Variants in DNAH11 observed in about 807,000 individuals in gnomAD.
The protein encoded by DNAH11 is axonemal beta dynein heavy chain 11.
In DNAH11, 442 loss-of-function variants were observed where a neutral mutation model predicts 526.0. The observed-to-expected ratio is 0.84, with a 90% CI of 0.78 to 0.91. DNAH11 has a LOEUF of 0.91. Ranked by LOEUF, DNAH11 falls within the 40% of genes least tolerant of loss-of-function variation. The pLI is 0.00. For synonymous variants in DNAH11, 2,461 were observed against 1,935.9 expected (o/e 1.27, Z -7.12); for missense variants, 6,989 against 5,448.7 (o/e 1.28, Z -8.90).
At chr7:21,578,064 G>A (rs1446934202) in intron 8 of DNAH11, among the ~76,000 whole-genome samples, 1 of 152,170 alleles carries the variant, frequency 6.6e-6, no homozygotes, top group East Asian at 1.9e-4. Context: ...AGATGAAGGG[G>A]AAGCAAGGAC....
intron 9 of DNAH11, among the ~76,000 whole-genome samples, chr7:21,587,800 ATAT>A (rs1304918616): frequency 2.0e-5 from 3 of 152,216 alleles, no homozygotes; most frequent in African/African-American, 7.2e-5. Flanking sequence ...ACAGGAAATA[ATAT>A]TAGCTGTGAA....
In DNAH11 at chr7:21,899,973, T is replaced by C; in HGVS notation, c.13163-7T>C. 6.2e-7 allele frequency: 1 copy of C among 1,613,484 alleles called. No individual in the cohort carries two copies. Among genetic ancestry groups the C allele is most frequent in the Non-Finnish European group, 8.5e-7 (1 of 1,179,708 alleles). On this transcript the variant is annotated splice_region_variant and splice_polypyrimidine_tract_variant and intron_variant, in intron 80 of 81. Transcript: ENST00000409508. ...TATCCTATTCAATTTTTGTTATATT[T>C]CCAAAGCAATCATGCAGACGATGGC... is the stretch of plus-strand genomic sequence containing the variant.
chr7:21,627,722 G>C (rs187705119), intron 25 of DNAH11, among the ~76,000 whole-genome samples: 1 of 152,052 alleles, frequency 6.6e-6, no homozygotes, highest in Non-Finnish European at 1.5e-5. Context: ...GATGCCTCTA[G>C]CTTTGTTCTT....
In DNAH11 at chr7:21,637,687, A is replaced by C. The variant is rs367625336; in HGVS notation, c.4802A>C (p.Lys1601Thr). ...AGACCTAATCTCTATGAAAAACTTA[A>C]AGATTTACAGTCCAGGTAAGAATAA... Reference protein sequence around the residue: ...TCRPNLYEKLKDLQSRLSLCE... With the variant: ...TCRPNLYEKLTDLQSRLSLCE... Residue 1601 changes from lysine (K) to threonine (T), a missense_variant, in exon 27 of 82, where the codon AAA (lysine) becomes ACA (threonine). By Grantham distance (78) the Lys-to-Thr change is moderately conservative. Coordinates refer to ENST00000409508, the MANE Select transcript of DNAH11 (RefSeq NM_001277115.2). The C allele has an allele frequency of 6.4e-7, 1 of 1,564,330 alleles. No homozygotes were observed. The highest frequency in any genetic ancestry group is 1.2e-5 in the South Asian group (1 of 83,182).
chr7:21,862,583 A>G (rs918353528), intron 69 of DNAH11, among the ~76,000 whole-genome samples: 7 of 152,226 alleles, frequency 4.6e-5, no homozygotes, highest in African/African-American at 7.2e-5. Context: ...TAATTTAACC[A>G]TTCTACAATA....
rs1262521540 is a variant in DNAH11 at position 21,622,441 on chromosome 7, A to C, written c.4500+2363A>C. Among the ~76,000 whole-genome samples, 6 of 152,282 alleles carry C rather than the reference A, an allele frequency of 3.9e-5. No individual in the cohort carries two copies. In the East Asian group the frequency reaches 5.8e-4, roughly 15 times the overall value. ...TGCCATCCCCATCAAGCTACCAATG[A>C]CTTTCTTCACAGAATTGGAAAAAAC... On this transcript the variant is annotated intron_variant, in intron 25 of 81. Transcript: ENST00000409508.
chr7:21,622,733 A>T (rs1786133449), intron 25 of DNAH11, among the ~76,000 whole-genome samples: 1 of 152,224 alleles, frequency 6.6e-6, no homozygotes, highest in Admixed American at 6.5e-5. Flanking sequence ...TTCCCCATTT[A>T]ATAAATGGTG....
chr7:21,588,143 A>G lies in DNAH11; in HGVS notation c.1790A>G (p.His597Arg), dbSNP rs1207221088. The G allele has an allele frequency of 3.7e-6, 6 of 1,613,318 alleles. No individual in the cohort carries two copies. The highest frequency in any genetic ancestry group is 2.7e-5 in the African/African-American group (2 of 74,930). The change falls in exon 10 of 82, where the codon CAT (histidine) becomes CGT (arginine). Residue 597 changes from histidine to arginine, a missense_variant. His to Arg is a conservative substitution (Grantham distance 29). Transcript: ENST00000409508. ...IFSLHYSTLV[H>R]MFNTELDVCK... ...AGCCTACATTACAGCACACTAGTGC[A>G]TATGTTTAATACAGAGCTGGATGTG...
chr7:21,822,171 T>TA (rs1790081866), intron 65 of DNAH11, among the ~76,000 whole-genome samples: 1 of 152,054 alleles, frequency 6.6e-6, no homozygotes, highest in African/African-American at 2.4e-5. Flanking sequence ...TTATTTTTTT[T>TA]AAAAAGAGTT....
At chr7:21,729,889 C>T (rs1390049392) in intron 45 of DNAH11, among the ~76,000 whole-genome samples, 3 of 152,178 alleles carry the variant, frequency 2.0e-5, no homozygotes, top group Non-Finnish European at 4.4e-5. Flanking sequence ...ACCATAGCAG[C>T]CCACTTCTTA....
intron 20 of DNAH11, 42 bp downstream of exon 20, chr7:21,606,775 A>G (rs1293582151): frequency 6.7e-7 from 1 of 1,495,022 alleles, no homozygotes; most frequent in Non-Finnish European, 9.1e-7. Flanking sequence ...TAAAATAGCT[A>G]CTTTAAAAAA....
At chr7:21,633,357 C>G (rs78210279) in intron 25 of DNAH11, among the ~76,000 whole-genome samples, 2,420 of 152,316 alleles carry the variant, frequency 0.016, 68 homozygotes, top group African/African-American at 0.055. Context: ...TCCACTGTTT[C>G]TCTCTTGATT....
intron 1 of DNAH11, chr7:21,543,904 G>T: frequency 2.6e-6 from 1 of 390,434 alleles, no homozygotes; most frequent in Non-Finnish European, 4.5e-6. Context: ...TAGGCGCCAG[G>T]TGGGCTTTCT....
At chr7:21,647,673 T>C (rs1169532707) in intron 28 of DNAH11, among the ~76,000 whole-genome samples, 1 of 151,900 alleles carries the variant, frequency 6.6e-6, no homozygotes, top group Non-Finnish European at 1.5e-5. Context: ...CCTTGTGATC[T>C]GCCTGCCTCA....
intron 30 of DNAH11, among the ~76,000 whole-genome samples, chr7:21,677,403 A>T (rs1262486638): frequency 1.3e-5 from 2 of 151,798 alleles, no homozygotes; most frequent in Non-Finnish European, 2.9e-5. Flanking sequence ...ATTTTTTGAG[A>T]CAGAATCTCA....
chr7:21,556,216 A>C (rs62441669), intron 2 of DNAH11, among the ~76,000 whole-genome samples: 27,395 of 152,132 alleles, frequency 0.18, 2,525 homozygotes, highest in Middle Eastern at 0.24. Context: ...GGGCTGACCC[A>C]TTCTCTACAT....
intron 56 of DNAH11, among the ~76,000 whole-genome samples, chr7:21,777,968 T>G (rs896318342): frequency 6.6e-6 from 1 of 152,188 alleles, no homozygotes; most frequent in African/African-American, 2.4e-5. Context: ...TTATGATTGT[T>G]CTTTGCTGCT....
chr7:21,875,190 T>A (rs556791170), intron 74 of DNAH11, among the ~76,000 whole-genome samples: 1 of 152,340 alleles, frequency 6.6e-6, no homozygotes, highest in Admixed American at 6.5e-5. Flanking sequence ...ATGCCTTATT[T>A]AATCCACTAT....
intron 61 of DNAH11, among the ~76,000 whole-genome samples, chr7:21,794,682 G>A (rs537185912): frequency 6.6e-6 from 1 of 152,216 alleles, no homozygotes; most frequent in East Asian, 1.9e-4. Context: ...CTGAGATGAA[G>A]AAGAGAATTT....
Sources: allele counts gnomAD v4.1 joint callset (sites outside exome capture counted in the v4.1 genomes callset), GRCh38; gene constraint gnomAD v4.1.1; transcripts MANE v1.5; gene names NCBI Gene and HGNC (gene_info 2026-07-23, HGNC 2026-07-21).